MAST4: variants seen among roughly 807,000 people sequenced by gnomAD.
MAST4 encodes the protein microtubule-associated serine/threonine-protein kinase 4.
A neutral mutation model predicts 162.7 loss-of-function variants in MAST4; 89 were observed. The observed-to-expected ratio is 0.55, with a 90% CI of 0.46 to 0.65. The LOEUF (loss-of-function observed/expected upper bound fraction) is 0.65. Among genes scored for constraint, MAST4 ranks in the 30% least tolerant of loss-of-function variants. MAST4 has a pLI of 0.00. For synonymous variants in MAST4, 1,479 were observed against 1,361.1 expected (o/e 1.09, Z -1.91); for missense variants, 3,153 against 3,374.0 (o/e 0.93, Z 1.62).
intron 4 of MAST4, chr5:66,902,843 T>G (rs1379786389): frequency 2.8e-6 from 1 of 360,192 alleles, no homozygotes; most frequent in Non-Finnish European, 5.5e-6. Context: ...CCAAGGCTTC[T>G]TCTGACCCCA....
intron 4 of MAST4, among the ~76,000 whole-genome samples, chr5:66,944,249 C>A (rs1743713534): frequency 6.6e-6 from 1 of 152,076 alleles, no homozygotes; most frequent in African/African-American, 2.4e-5. Flanking sequence ...TCCTGAATTG[C>A]CTTATATGAT....
chr5:67,087,925 A>G (rs571518587), intron 5 of MAST4, among the ~76,000 whole-genome samples: 3 of 152,206 alleles, frequency 2.0e-5, no homozygotes, highest in African/African-American at 7.2e-5. Context: ...ATGTTCAAGC[A>G]ATGGACCTAG....
intron 1 of MAST4, among the ~76,000 whole-genome samples, chr5:66,632,633 T>A (rs1744860395): frequency 6.6e-6 from 1 of 152,184 alleles, no homozygotes; most frequent in Non-Finnish European, 1.5e-5. Flanking sequence ...CTGCTTAAGT[T>A]ATTTTGATAA....
At chr5:66,893,448 G>A (rs1203589669) in intron 3 of MAST4, among the ~76,000 whole-genome samples, 2 of 151,406 alleles carry the variant, frequency 1.3e-5, no homozygotes, top group African/African-American at 4.9e-5. Context: ...GGCTGGTCTC[G>A]AACTCCTGAC....
At chr5:67,030,579 G>A (rs1474861597) in intron 4 of MAST4, among the ~76,000 whole-genome samples, 1 of 152,058 alleles carries the variant, frequency 6.6e-6, no homozygotes, top group Non-Finnish European at 1.5e-5. Flanking sequence ...AGTCCTAAGG[G>A]GTGATATTTA....
intron 5 of MAST4, among the ~76,000 whole-genome samples, chr5:67,085,055 A>C (rs1237449858): frequency 6.6e-6 from 1 of 152,210 alleles, no homozygotes; most frequent in Non-Finnish European, 1.5e-5. Context: ...TGGAGCTTCC[A>C]TAAGTAAAAA....
intron 1 of MAST4, among the ~76,000 whole-genome samples, chr5:66,681,869 G>A (rs1748352123): frequency 6.6e-6 from 1 of 152,054 alleles, no homozygotes; most frequent in African/African-American, 2.4e-5. Context: ...TCCTCTAAGG[G>A]GCATTGGGCT....
At chr5:67,086,911 G>T (rs1248408745) in intron 5 of MAST4, among the ~76,000 whole-genome samples, 2 of 152,128 alleles carry the variant, frequency 1.3e-5, no homozygotes, top group Non-Finnish European at 2.9e-5. Context: ...TTATAATTTG[G>T]CCTGTTCTAA....
At chr5:66,628,384 G>A (rs1292485838) in intron 1 of MAST4, among the ~76,000 whole-genome samples, 2 of 150,046 alleles carry the variant, frequency 1.3e-5, no homozygotes, top group African/African-American at 2.5e-5. Flanking sequence ...GTAAAATAAG[G>A]TCATTGTGAG....
chr5:67,078,933 T>TATATATATATA (rs1762248477), intron 5 of MAST4, among the ~76,000 whole-genome samples: 1 of 97,188 alleles, frequency 1.0e-5, no homozygotes, highest in Non-Finnish European at 1.9e-5. Context: ...TATATATATA[T>TATATATATATA]ATATATATAT....
rs142769583 is a variant in MAST4 at position 66,670,725 on chromosome 5, T to G, written c.363+73707T>G. 1.5e-4 allele frequency among the ~76,000 whole-genome samples: 23 copies of G among 151,540 alleles called. No homozygotes were observed. The East Asian group carries it at 4.1e-3, about 27-fold the overall frequency. ...TCCCAAGAAGATGAAGGGCTGTGAT[T>G]AGGCGGTCGACTAGAGAAAGTAAGC... On this transcript the variant is annotated intron_variant, in intron 1 of 28. Coordinates refer to ENST00000403625, the MANE Select transcript of MAST4 (RefSeq NM_001164664.2).
intron 3 of MAST4, among the ~76,000 whole-genome samples, chr5:66,878,881 T>G (rs1053587252): frequency 6.6e-6 from 1 of 152,104 alleles, no homozygotes; most frequent in Non-Finnish European, 1.5e-5. Context: ...CCCTAACAAT[T>G]CTATTGAAAA....
At chr5:66,648,726 A>G (rs929612841) in intron 1 of MAST4, among the ~76,000 whole-genome samples, 2 of 152,112 alleles carry the variant, frequency 1.3e-5, no homozygotes, top group Non-Finnish European at 2.9e-5. Context: ...CTGTGTTTCA[A>G]TATTTGAATT....
intron 1 of MAST4, among the ~76,000 whole-genome samples, chr5:66,741,655 G>A (rs1752482258): frequency 6.6e-6 from 1 of 152,120 alleles, no homozygotes; most frequent in African/African-American, 2.4e-5. Flanking sequence ...GTGGGAACGG[G>A]ACCTCTCAAC....
chr5:66,652,560 T>TA (rs1746295762), intron 1 of MAST4, among the ~76,000 whole-genome samples: 2 of 152,194 alleles, frequency 1.3e-5, no homozygotes, highest in South Asian at 4.1e-4. Flanking sequence ...GAAAAAGATG[T>TA]AAAAAACAAT....
intron 4 of MAST4, among the ~76,000 whole-genome samples, chr5:66,974,961 A>T (rs1747944134): frequency 6.6e-6 from 1 of 152,186 alleles, no homozygotes; most frequent in African/African-American, 2.4e-5. Flanking sequence ...ATCAGGTTCT[A>T]ACCTCTGAAA....
chr5:66,993,345 A>C (rs1317515535), intron 4 of MAST4, among the ~76,000 whole-genome samples: 5 of 152,196 alleles, frequency 3.3e-5, no homozygotes, highest in Non-Finnish European at 7.3e-5. Context: ...CATTCCGCTG[A>C]GTGTCTGGTG....
intron 5 of MAST4, among the ~76,000 whole-genome samples, chr5:67,089,256 C>T (rs943207883): frequency 6.6e-6 from 1 of 152,198 alleles, no homozygotes; most frequent in African/African-American, 2.4e-5. Flanking sequence ...ATTAAACATG[C>T]AGAGGGAAGC....
intron 1 of MAST4, among the ~76,000 whole-genome samples, chr5:66,721,128 C>G (rs949815492): frequency 2.6e-5 from 4 of 152,202 alleles, no homozygotes; most frequent in African/African-American, 9.6e-5. Flanking sequence ...CTGCATTGTG[C>G]GTGTCCACAC....
Sources: allele counts gnomAD v4.1 joint callset (sites outside exome capture counted in the v4.1 genomes callset), GRCh38; gene constraint gnomAD v4.1.1; transcripts MANE v1.5; gene names NCBI Gene and HGNC (gene_info 2026-07-23, HGNC 2026-07-21).